PGBD2: variants seen among roughly 807,000 people sequenced by gnomAD.
The protein encoded by PGBD2 is piggyBac transposable element-derived protein 2.
PGBD2 carries 6 observed loss-of-function variants against 8.1 expected under a neutral mutation model. The ratio of observed to expected loss-of-function variants is 0.74; its 90% CI spans 0.40 to 1.46. PGBD2 has a LOEUF of 1.46. PGBD2 is among the 40% of genes most tolerant of loss of function. PGBD2 has a pLI of 0.02. For missense variants in PGBD2, 802 were observed against 739.0 expected (o/e 1.09, Z -0.99); for synonymous variants, 318 against 272.2 (o/e 1.17, Z -1.66).
chr1:248,912,120 A>G (rs1263431609), intron 1 of PGBD2, among the ~76,000 whole-genome samples: 1 of 152,126 alleles, frequency 6.6e-6, no homozygotes, highest in African/African-American at 2.4e-5. Flanking sequence ...ATATTTCCTT[A>G]GCTGGAATCC....
At position 248,917,678 on chromosome 1, in the gene PGBD2, A is replaced by G; in HGVS notation, c.1094A>G (p.Lys365Arg). ...GTTAAACTGATGTCCATTTTGAGGA[A>G]AAAGGGGGTGAAAGCCACAGGAACT... ...TSVKLMSILRKKGVKATGTVR... is the reference protein window; with the variant it reads ...TSVKLMSILRRKGVKATGTVR... Residue 365 changes from lysine to arginine, a missense_variant, in exon 3 of 3, where the codon AAA becomes AGA. Physicochemically the swap from Lys to Arg is conservative, Grantham distance 26 (BLOSUM62 2). Transcript: ENST00000329291. The G allele has an allele frequency of 4.3e-6, 7 of 1,614,224 alleles. No individual in the cohort carries two copies. Among genetic ancestry groups the G allele is most frequent in the Non-Finnish European group, 5.9e-6 (7 of 1,180,032 alleles).
intron 1 of PGBD2, among the ~76,000 whole-genome samples, chr1:248,907,498 G>C (rs565215233): frequency 6.6e-6 from 1 of 152,144 alleles, no homozygotes; most frequent in Non-Finnish European, 1.5e-5. Context: ...GCTGGGGGAC[G>C]GTAAGGTCTT....
chr1:248,909,203 T>G (rs917665655), intron 1 of PGBD2, among the ~76,000 whole-genome samples: 1 of 152,222 alleles, frequency 6.6e-6, no homozygotes. Flanking sequence ...GCAAGAAAGA[T>G]GGAGGAGCCA....
chr1:248,916,879 A>G lies in PGBD2; in HGVS notation c.295A>G (p.Lys99Glu). 1 of 1,614,136 alleles carries G rather than the reference A, an allele frequency of 6.2e-7. No homozygotes were observed. Among genetic ancestry groups the G allele is most frequent in the East Asian group, 2.2e-5 (1 of 44,878 alleles). Residue 99 changes from lysine to glutamate, a missense_variant, in exon 3 of 3, where the codon AAG becomes GAG. Lys to Glu is a moderately conservative substitution (Grantham distance 56, BLOSUM62 1). Coordinates refer to ENST00000329291, the MANE Select transcript of PGBD2 (RefSeq NM_170725.3). The stretch of plus-strand genomic sequence containing the variant: ...TGACGACCTGGAGCTGCAGCCAGCC[A>G]AGAAGAGGCAGAAAGCAGTTGTGAA... ...DNDDLELQPA[K>E]KRQKAVVKPQ... is the part of the protein sequence containing the mutation.
At chr1:248,890,623 C>T in the PGBD2 span, among the ~76,000 whole-genome samples, 1 of 151,844 alleles carries the variant, frequency 6.6e-6, no homozygotes, top group Non-Finnish European at 1.5e-5. Context: ...ACACATACCA[C>T]ATCATACACA....
At chr1:248,877,736 A>C in the PGBD2 span, among the ~76,000 whole-genome samples, 3 of 152,220 alleles carry the variant, frequency 2.0e-5, no homozygotes, top group Admixed American at 6.5e-5. Context: ...GTGTGTTACT[A>C]TGATGGCTAA....
intron 1 of PGBD2, among the ~76,000 whole-genome samples, chr1:248,912,227 C>A (rs184704562): frequency 7.9e-4 from 120 of 152,298 alleles, no homozygotes; most frequent in African/African-American, 2.8e-3. Flanking sequence ...TGCTTCCTGA[C>A]TTCTGTTTGC....
upstream of PGBD2, among the ~76,000 whole-genome samples, chr1:248,904,245 T>C (rs530723121): frequency 5.3e-5 from 8 of 152,140 alleles, no homozygotes; most frequent in Non-Finnish European, 8.8e-5. Context: ...AAAATATGTA[T>C]TTTCCTCAAA....
chr1:248,906,184 C>G (rs886567304), upstream of PGBD2: 6 of 151,206 alleles, frequency 4.0e-5, no homozygotes, highest in Non-Finnish European at 8.9e-5. Context: ...TGGCCTGGCC[C>G]GGGGGCGTGG....
chr1:248,905,016 G>C (rs188392428), upstream of PGBD2, among the ~76,000 whole-genome samples: 295 of 152,278 alleles, frequency 1.9e-3, no homozygotes, highest in African/African-American at 6.6e-3. Context: ...ATGAATGAAT[G>C]AGACACAGGA....
chr1:248,918,500 C>T lies in PGBD2; in HGVS notation c.*137C>T, dbSNP rs922239194. On this transcript the variant is annotated 3_prime_UTR_variant, in exon 3 of 3. Transcript: ENST00000329291. ...TGATTTTCTATTTTCTCCCTACCCACAATACAGTTATCTTTTTTATTGTGT... is the reference window on the plus strand; with the variant it reads ...TGATTTTCTATTTTCTCCCTACCCATAATACAGTTATCTTTTTTATTGTGT... The T allele has an allele frequency of 1.1e-5, 8 of 750,110 alleles. No individual in the cohort carries two copies. The highest frequency in any genetic ancestry group is 7.2e-5 in the African/African-American group (4 of 55,776). 46.5% of individuals were successfully genotyped at this position (750,110 alleles called of 1,614,324 possible). A position where few individuals can be genotyped will look rare whatever the true frequency, so the allele number is the denominator to read the frequency against.
chr1:248,894,373 T>G, the PGBD2 span, among the ~76,000 whole-genome samples: 1 of 152,222 alleles, frequency 6.6e-6, no homozygotes, highest in Non-Finnish European at 1.5e-5. Context: ...CTTCTATGTT[T>G]TCTTCTAGGA....
the PGBD2 span, among the ~76,000 whole-genome samples, chr1:248,892,105 G>A: frequency 6.6e-6 from 1 of 152,222 alleles, no homozygotes; most frequent in East Asian, 1.9e-4. Context: ...ATGGAAGTCA[G>A]TGCTCCAAAC....
rs568865962 is a variant in PGBD2 at position 248,916,471 on chromosome 1, TG to T, written c.18-130del. On this transcript the variant is annotated intron_variant, in intron 2 of 2. Transcript: ENST00000329291. ...TGGAAAATTTACTTACTAAATGCGGTGCCTTGTGATGCCAGATCTGTGAAGC... is the reference window on the plus strand; with the variant it reads ...TGGAAAATTTACTTACTAAATGCGGTCCTTGTGATGCCAGATCTGTGAAGC... 88 of 695,954 alleles carry T rather than the reference TG, an allele frequency of 1.3e-4. 1 individual carries two copies. In the East Asian group the frequency reaches 2.2e-3, roughly 17 times the overall value. The allele number at this position is 695,954 out of a possible 1,614,324, so 43.1% of individuals were successfully genotyped here.
At chr1:248,904,574 C>A (rs1661587943), upstream of PGBD2, among the ~76,000 whole-genome samples, 1 of 152,104 alleles carries the variant, frequency 6.6e-6, no homozygotes, top group Non-Finnish European at 1.5e-5. Flanking sequence ...TTGAACTCAC[C>A]CCCTCTTTGA....
At chr1:248,886,284 A>T in the PGBD2 span, among the ~76,000 whole-genome samples, 2 of 152,224 alleles carry the variant, frequency 1.3e-5, no homozygotes, top group African/African-American at 4.8e-5. Context: ...CTGATACTTG[A>T]GTGTACATTA....
the PGBD2 span, among the ~76,000 whole-genome samples, chr1:248,882,272 T>C: frequency 6.6e-6 from 1 of 152,118 alleles, no homozygotes; most frequent in African/African-American, 2.4e-5. Flanking sequence ...GGATTTAGGG[T>C]CATTTGATTA....
the PGBD2 span, among the ~76,000 whole-genome samples, chr1:248,890,508 C>T: frequency 6.6e-6 from 1 of 152,130 alleles, no homozygotes; most frequent in African/African-American, 2.4e-5. Flanking sequence ...CTATTCTACA[C>T]AAACCATGTG....
chr1:248,880,966 T>G, the PGBD2 span, among the ~76,000 whole-genome samples: 12 of 152,274 alleles, frequency 7.9e-5, no homozygotes, highest in African/African-American at 2.9e-4. Flanking sequence ...TATAATATTA[T>G]TAGTGACTTG....
Sources: gnomAD v4.1 joint callset for allele counts (sites outside exome capture counted in the v4.1 genomes callset) on GRCh38, gnomAD v4.1.1 for gene constraint, MANE v1.5 for transcripts, NCBI Gene and HGNC (gene_info 2026-07-23, HGNC 2026-07-21) for gene names.